Variants in TBCK observed in about 807,000 individuals in gnomAD.
TBCK encodes TBC domain-containing protein kinase-like protein.
In TBCK, 99 loss-of-function variants were observed where a neutral mutation model predicts 113.4. The ratio of observed to expected loss-of-function variants is 0.87; its 90% confidence interval spans 0.74 to 1.03. TBCK has a LOEUF of 1.03. Ranked by LOEUF, TBCK falls within the 50% of genes least tolerant of loss-of-function variation. The pLI is 0.00. For missense variants in TBCK, 1,045 were observed against 1,061.3 expected (o/e 0.98, Z 0.21); for synonymous variants, 369 against 370.8 (o/e 1.00, Z 0.05).
rs1740815375 is a variant in TBCK at position 106,095,653 on chromosome 4, A to C, written c.2412-12T>G. On this transcript the variant is annotated splice_polypyrimidine_tract_variant and intron_variant, in intron 24 of 25. Transcript: ENST00000394708. ...GACCACGAATAAAGCTGAGAAGGAA[A>C]GTTTAAGGAAAACATTTATTTGTGT... 3.1e-6 allele frequency: 5 copies of C among 1,610,756 alleles called. No individual in the cohort carries two copies. The South Asian group carries it at 4.4e-5, about 14-fold the overall frequency.
chr4:106,142,815 T>C (rs1043231045), intron 23 of TBCK, among the ~76,000 whole-genome samples: 7 of 152,172 alleles, frequency 4.6e-5, no homozygotes, highest in Non-Finnish European at 5.9e-5. Flanking sequence ...GACTTTCTGG[T>C]GGAAAAACAT....
At chr4:106,218,924 T>C (rs1303046085) in intron 19 of TBCK, among the ~76,000 whole-genome samples, 2 of 151,696 alleles carry the variant, frequency 1.3e-5, no homozygotes, top group Non-Finnish European at 2.9e-5. Context: ...TGCACACATA[T>C]GTTTATTGTG....
At position 106,121,135 on chromosome 4, in the gene TBCK, C is replaced by T. The variant is rs1272107452; in HGVS notation, c.2236-4757G>A. The stretch of plus-strand genomic sequence containing the variant: ...TGCTGTATTCAGGAAACCCATCTCA[C>T]GTGCAGAGACACACATAGGCTCAAA... On this transcript the variant is annotated intron_variant, in intron 23 of 25. Coordinates refer to ENST00000394708, the MANE Select transcript of TBCK (RefSeq NM_001163435.3). 4.6e-5 allele frequency among the ~76,000 whole-genome samples: 7 copies of T among 151,904 alleles called. No individual in the cohort carries two copies. In the East Asian group the frequency reaches 9.7e-4, roughly 21 times the overall value.
Position 106,233,587 on chromosome 4 carries a change from C to T in TBCK, c.1512+1G>A. On this transcript the variant is annotated splice_donor_variant, in intron 16 of 25. Coordinates refer to ENST00000394708, the MANE Select transcript of TBCK (RefSeq NM_001163435.3). LOFTEE classifies it high-confidence loss of function. ...GTTGCTTAAGAAAACCTAAATCATA[C>T]TTGTCTATCTGTAGGAATTGGAGTG... 2 of 1,610,098 alleles carry T rather than the reference C, an allele frequency of 1.2e-6. No individual in the cohort carries two copies. The highest frequency in any genetic ancestry group is 1.7e-6 in the Non-Finnish European group (2 of 1,177,588).
In TBCK at chr4:106,100,021, C is replaced by T. The variant is rs1004475015; in HGVS notation, c.2412-4380G>A. Among the ~76,000 whole-genome samples, 6 of 152,284 alleles carry T rather than the reference C, an allele frequency of 3.9e-5. No individual in the cohort carries two copies. In the South Asian group the frequency reaches 1.2e-3, roughly 32 times the overall value. ...GCACTGTTACCAATATGTTTTCTAT[C>T]TCCTGTAGTTTTCTCTGCCCAAATA... is the stretch of plus-strand genomic sequence containing the variant. On this transcript the variant is annotated intron_variant, in intron 24 of 25. Transcript: ENST00000394708.
At chr4:106,147,404 G>C (rs922724856) in intron 23 of TBCK, among the ~76,000 whole-genome samples, 4 of 152,194 alleles carry the variant, frequency 2.6e-5, no homozygotes, top group African/African-American at 7.2e-5. Flanking sequence ...CCATGCACTG[G>C]AGAATGGATA....
chr4:106,196,485 T>G (rs1162458287), intron 20 of TBCK, among the ~76,000 whole-genome samples: 1 of 152,026 alleles, frequency 6.6e-6, no homozygotes, highest in Non-Finnish European at 1.5e-5. Flanking sequence ...AGGTGCATAT[T>G]GTCTTTGCAT....
chr4:106,189,767 AT>A (rs1429012037), intron 22 of TBCK, among the ~76,000 whole-genome samples: 5 of 148,148 alleles, frequency 3.4e-5, no homozygotes, highest in Admixed American at 1.3e-4. Flanking sequence ...CTCAACAAAT[AT>A]ATTTTTAAAA....
intron 2 of TBCK, among the ~76,000 whole-genome samples, chr4:106,295,851 C>G (rs1428581033): frequency 6.6e-6 from 1 of 151,858 alleles, no homozygotes. Context: ...ACCTTTTTTT[C>G]TTATTTTTTC....
At chr4:106,050,470 T>C (rs189803022) in intron 25 of TBCK, among the ~76,000 whole-genome samples, 2 of 152,172 alleles carry the variant, frequency 1.3e-5, no homozygotes, top group East Asian at 1.9e-4. Flanking sequence ...TTTTAAAGGA[T>C]TGAAATTATT....
At chr4:106,267,853 A>C (rs1300379852) in intron 3 of TBCK, among the ~76,000 whole-genome samples, 1 of 152,030 alleles carries the variant, frequency 6.6e-6, no homozygotes, top group African/African-American at 2.4e-5. Context: ...AATCATCTCT[A>C]GTTGTTGGTT....
intron 19 of TBCK, among the ~76,000 whole-genome samples, chr4:106,219,854 A>T (rs1015754443): frequency 1.3e-5 from 2 of 152,170 alleles, no homozygotes; most frequent in Non-Finnish European, 2.9e-5. Flanking sequence ...AATGACAATA[A>T]CATCATAAAA....
intron 24 of TBCK, among the ~76,000 whole-genome samples, chr4:106,096,291 A>G (rs1286540117): frequency 2.0e-5 from 3 of 150,920 alleles, no homozygotes; most frequent in Admixed American, 2.0e-4. Flanking sequence ...CTCTGATGGT[A>G]CTTTTTTAAA....
At chr4:106,265,276 T>TG in intron 3 of TBCK, among the ~76,000 whole-genome samples, 1 of 152,040 alleles carries the variant, frequency 6.6e-6, no homozygotes, top group South Asian at 2.1e-4. Context: ...AGCAGGTATA[T>TG]ATATCTATGA....
intron 19 of TBCK, among the ~76,000 whole-genome samples, chr4:106,230,126 G>A (rs1560868094): frequency 2.6e-5 from 4 of 151,810 alleles, no homozygotes; most frequent in Admixed American, 6.6e-5. Context: ...TCTCAAACTC[G>A]CATGCCTGCA....
chr4:106,090,001 G>A (rs530870212), intron 25 of TBCK, among the ~76,000 whole-genome samples: 11 of 152,250 alleles, frequency 7.2e-5, no homozygotes, highest in South Asian at 2.1e-4. Context: ...TCCACTAGCC[G>A]GTTCCCTGGT....
intron 25 of TBCK, among the ~76,000 whole-genome samples, chr4:106,067,440 T>G (rs1329374790): frequency 6.6e-6 from 1 of 152,142 alleles, no homozygotes; most frequent in Non-Finnish European, 1.5e-5. Context: ...ACAAATATTT[T>G]CTCCCATTTT....
intron 3 of TBCK, among the ~76,000 whole-genome samples, chr4:106,288,870 AAAATTATTT>A (rs1203642830): frequency 1.3e-5 from 2 of 152,246 alleles, no homozygotes; most frequent in Non-Finnish European, 1.5e-5. Context: ...CTTCATGCAC[AAAATTATTT>A]AAAGTATTAC....
chr4:106,300,400 G>T (rs1485963837), intron 2 of TBCK, among the ~76,000 whole-genome samples: 5 of 152,080 alleles, frequency 3.3e-5, no homozygotes, highest in African/African-American at 9.6e-5. Context: ...TAAAGTAGTG[G>T]TTTTTTTGTT....
Sources: gnomAD v4.1 joint callset for allele counts (sites outside exome capture counted in the v4.1 genomes callset) on GRCh38, gnomAD v4.1.1 for gene constraint, MANE v1.5 for transcripts, NCBI Gene and HGNC (gene_info 2026-07-23, HGNC 2026-07-21) for gene names.